The following PTPRN2 variants were observed in gnomAD, a reference collection of about 807,000 sequenced individuals.
The protein encoded by PTPRN2 is receptor-type tyrosine-protein phosphatase N2.
In PTPRN2, 74 loss-of-function variants were observed where a neutral mutation model predicts 118.8. That is an observed-to-expected ratio of 0.62 (90% CI 0.52 to 0.76). The LOEUF (loss-of-function observed/expected upper bound fraction) is 0.76, where lower values mean the gene tolerates loss of function less well. PTPRN2 is among the 30% of genes least tolerant of loss of function. The pLI is 0.00. For missense variants in PTPRN2, 1,481 were observed against 1,394.4 expected (o/e 1.06, Z -0.99); for synonymous variants, 641 against 608.0 (o/e 1.05, Z -0.80).
chr7:158,280,147 A>G (rs987332103), intron 3 of PTPRN2, among the ~76,000 whole-genome samples: 7 of 152,236 alleles, frequency 4.6e-5, no homozygotes, highest in African/African-American at 1.7e-4. Flanking sequence ...TGTTTCACAG[A>G]CCGCATAATA....
chr7:157,709,123 C>G (rs1051176388), intron 12 of PTPRN2, among the ~76,000 whole-genome samples: 5 of 152,138 alleles, frequency 3.3e-5, no homozygotes, highest in African/African-American at 1.2e-4. Context: ...GGTCAGAGGG[C>G]CTGGGTCGGG....
intron 1 of PTPRN2, among the ~76,000 whole-genome samples, chr7:158,521,612 T>TGCTGGCTC (rs1563387419): frequency 5.0e-5 from 6 of 119,804 alleles, no homozygotes; most frequent in Admixed American, 8.4e-5. Flanking sequence ...ACTGTCCAGG[T>TGCTGGCTC]AGTGGCTCAG....
At chr7:157,975,398 C>T (rs1051749873) in intron 11 of PTPRN2, among the ~76,000 whole-genome samples, 5 of 152,204 alleles carry the variant, frequency 3.3e-5, no homozygotes, top group African/African-American at 1.2e-4. Flanking sequence ...CCCCAATCTC[C>T]TCGTCCCTGT....
Position 157,729,997 on chromosome 7 carries a change from G to A in PTPRN2, c.1789-47060C>T, listed in dbSNP as rs1370779635. On this transcript the variant is annotated intron_variant, in intron 12 of 22. Coordinates refer to ENST00000389418, the MANE Select transcript of PTPRN2 (RefSeq NM_002847.5). The surrounding 1 kb of genome is among the most constrained non-coding windows in gnomAD (Gnocchi z 4.3). Reference sequence around the variant, plus strand: ...GAGCAGAAACCACAAGATAGACATGGCCCATTGTGCTCGAGGGTCACTTTC... The same window carrying A: ...GAGCAGAAACCACAAGATAGACATGACCCATTGTGCTCGAGGGTCACTTTC... 2.0e-5 allele frequency among the ~76,000 whole-genome samples: 3 copies of A among 152,220 alleles called. No individual in the cohort carries two copies. The highest frequency in any genetic ancestry group is 7.2e-5 in the African/African-American group (3 of 41,458).
chr7:158,387,206 G>A (rs889304017), intron 2 of PTPRN2, among the ~76,000 whole-genome samples: 22 of 152,318 alleles, frequency 1.4e-4, no homozygotes, highest in African/African-American at 4.8e-4. Flanking sequence ...GGGCCCACAC[G>A]GACAGATCTC....
intron 11 of PTPRN2, among the ~76,000 whole-genome samples, chr7:158,069,328 T>C (rs1046715555): frequency 1.3e-5 from 2 of 152,208 alleles, no homozygotes; most frequent in Non-Finnish European, 2.9e-5. Flanking sequence ...CTCAACCTCC[T>C]GTGTGGGACT....
At chr7:158,362,326 C>A (rs1343595277) in intron 2 of PTPRN2, among the ~76,000 whole-genome samples, 1 of 152,232 alleles carries the variant, frequency 6.6e-6, no homozygotes, top group Non-Finnish European at 1.5e-5. Context: ...CTGTGCCCGG[C>A]ACTTTCCTCA....
chr7:158,138,246 C>A, intron 7 of PTPRN2, 48 bp downstream of exon 7: 1 of 1,571,512 alleles, frequency 6.4e-7, no homozygotes. Context: ...TGAGGCCTCC[C>A]CTCCCCGCAG....
chr7:158,296,341 G>C (rs574081778), intron 3 of PTPRN2, among the ~76,000 whole-genome samples: 1 of 152,128 alleles, frequency 6.6e-6, no homozygotes, highest in East Asian at 1.9e-4. Context: ...TGAGCGGCCC[G>C]ACTCCAGGGG....
chr7:158,403,321 C>T (rs925097175), intron 2 of PTPRN2, among the ~76,000 whole-genome samples: 1 of 152,230 alleles, frequency 6.6e-6, no homozygotes, highest in Non-Finnish European at 1.5e-5. Context: ...GATGTGAAAA[C>T]GTAAATAACC....
rs1800952984 is a variant in PTPRN2, at chr7:157,953,305, G to T, written c.1724-54568C>A. On this transcript the variant is annotated intron_variant, in intron 11 of 22. Transcript: ENST00000389418. This position sits in a 1 kb window ranked among gnomAD's most constrained non-coding sequence, Gnocchi z 4.6. ...CTCCTTCCTAGGGCCTGTGTCTCTGGAGTGCACGAGGCAGATGGATGGAGA... is the reference window on the plus strand; with the variant it reads ...CTCCTTCCTAGGGCCTGTGTCTCTGTAGTGCACGAGGCAGATGGATGGAGA... Among the ~76,000 whole-genome samples the T allele has an allele frequency of 6.6e-6, 1 of 152,174 alleles. No homozygotes were observed. Among genetic ancestry groups the T allele is most frequent in the Non-Finnish European group, 1.5e-5 (1 of 68,016 alleles).
intron 12 of PTPRN2, among the ~76,000 whole-genome samples, chr7:157,835,684 A>C (rs995398849): frequency 7.2e-5 from 11 of 152,324 alleles, no homozygotes; most frequent in African/African-American, 2.6e-4. Context: ...GTGCACTGCA[A>C]ATGCGTGGGA....
chr7:157,721,849 A>G (rs59384653), intron 12 of PTPRN2, among the ~76,000 whole-genome samples: 1,818 of 152,196 alleles, frequency 0.012, 36 homozygotes, highest in African/African-American at 0.042. Context: ...AGACCCTTCC[A>G]TTTTATTCAT....
At chr7:158,567,704 G>A (rs1002129609) in intron 1 of PTPRN2, among the ~76,000 whole-genome samples, 1 of 152,224 alleles carries the variant, frequency 6.6e-6, no homozygotes, top group African/African-American at 2.4e-5. Flanking sequence ...GGTAGAGACA[G>A]CATGGTCAGG....
chr7:157,984,943 C>T (rs887524812), intron 11 of PTPRN2, among the ~76,000 whole-genome samples: 5 of 152,198 alleles, frequency 3.3e-5, no homozygotes, highest in Non-Finnish European at 7.3e-5. Context: ...TTCCCCACCC[C>T]GTGCTGCTCC....
chr7:158,346,969 GTTGT>G lies in PTPRN2; in HGVS notation c.164-30041_164-30038del, dbSNP rs531364196. On this transcript the variant is annotated intron_variant, in intron 2 of 22. Coordinates refer to ENST00000389418, the MANE Select transcript of PTPRN2 (RefSeq NM_002847.5). ...GGGTTTTTCATTTTCATGCTATTGAGTTGTTTGAGCTTATTATATATTTTGGATA... is the reference window on the plus strand; with the variant it reads ...GGGTTTTTCATTTTCATGCTATTGAGTTGAGCTTATTATATATTTTGGATA... 2.8e-3 allele frequency among the ~76,000 whole-genome samples: 423 copies of G among 152,204 alleles called. 1 individual carries two copies. Among genetic ancestry groups the G allele is most frequent in the African/African-American group, 9.0e-3 (375 of 41,504 alleles).
intron 11 of PTPRN2, among the ~76,000 whole-genome samples, chr7:158,010,980 G>A (rs1022559042): frequency 2.0e-5 from 3 of 152,172 alleles, no homozygotes; most frequent in Non-Finnish European, 4.4e-5. Flanking sequence ...TCGCCTCCAC[G>A]GAGAAGGTTT....
chr7:158,115,758 T>C (rs1020600258), intron 9 of PTPRN2, among the ~76,000 whole-genome samples: 2 of 151,110 alleles, frequency 1.3e-5, no homozygotes, highest in Admixed American at 6.6e-5. Context: ...TGGTGCTTTG[T>C]TATAGCACTG....
In PTPRN2 at chr7:158,546,967, G is replaced by A. The variant is rs572837475; in HGVS notation, c.112+40591C>T. 7.0e-4 allele frequency among the ~76,000 whole-genome samples: 106 copies of A among 152,294 alleles called. No individual in the cohort carries two copies. The highest frequency in any genetic ancestry group is 1.3e-3 in the Non-Finnish European group (90 of 68,024). On this transcript the variant is annotated intron_variant, in intron 1 of 22. Transcript: ENST00000389418. The surrounding 1 kb of genome is among the most constrained non-coding windows in gnomAD (Gnocchi z 5.0). The stretch of plus-strand genomic sequence containing the variant: ...AGGGCCCCAGGTGAGGCCACAGCCA[G>A]CCCATGCAGAGCTCAGAGCTCACGG...
Sources: gnomAD v4.1 joint callset for allele counts (sites outside exome capture counted in the v4.1 genomes callset) on GRCh38, gnomAD v4.1.1 for gene constraint, Gnocchi (gnomAD v3.1) non-coding constraint, MANE v1.5 for transcripts, NCBI Gene and HGNC (gene_info 2026-07-23, HGNC 2026-07-21) for gene names.